SLC28A3: variants seen among roughly 807,000 people sequenced by gnomAD.
SLC28A3 encodes solute carrier family 28 member 3.
SLC28A3 carries 68 observed loss-of-function variants against 84.2 expected under a neutral mutation model. That is an observed-to-expected ratio of 0.81 (90% CI 0.66 to 0.99). The LOEUF is 0.99. SLC28A3 is among the 50% of genes least tolerant of loss of function. The pLI is 0.00. For synonymous variants in SLC28A3, 267 were observed against 303.6 expected, an observed-to-expected ratio of 0.88 and a Z score of 1.25; for missense variants, 712 against 841.5, an observed-to-expected ratio of 0.85 and a Z score of 1.90.
intron 13 of SLC28A3, among the ~76,000 whole-genome samples, 163 bp downstream of exon 13, chr9:84,285,780 G>A (rs1458713122): frequency 6.6e-6 from 1 of 152,162 alleles, no homozygotes; most frequent in African/African-American, 2.4e-5. Flanking sequence ...GAGGGGGATA[G>A]GAGACAGAGA....
At chr9:84,352,573 T>C in the SLC28A3 span, among the ~76,000 whole-genome samples, 1 of 152,004 alleles carries the variant, frequency 6.6e-6, no homozygotes, top group Non-Finnish European at 1.5e-5. Context: ...AATTTTGGTA[T>C]ATTAAGATTA....
the SLC28A3 span, among the ~76,000 whole-genome samples, chr9:84,355,312 C>T: frequency 6.6e-6 from 1 of 152,102 alleles, no homozygotes. Context: ...GTGGTGCATG[C>T]CTGTAGTCCC....
At chr9:84,351,061 A>G in the SLC28A3 span, among the ~76,000 whole-genome samples, 40,178 of 152,118 alleles carry the variant, frequency 0.26, 7,073 homozygotes, top group African/African-American at 0.5. Context: ...CTCTTGTAAT[A>G]AAACCTAGCT....
intron 4 of SLC28A3, 48 bp downstream of exon 4, chr9:84,305,202 GAAAA>G (rs35729465): frequency 2.8e-4 from 321 of 1,164,624 alleles, no homozygotes; most frequent in South Asian, 7.7e-4. Flanking sequence ...GGGAATCCCT[GAAAA>G]AAAAAAAAAA....
chr9:84,278,149 T>C lies in SLC28A3; in HGVS notation c.*69A>G. Reference sequence around the variant, plus strand: ...ATCAATCTGTGGACAATAGCTTCTTTTTTTTTTCTTTCCAAAGCAGAAAAT... The same window carrying C: ...ATCAATCTGTGGACAATAGCTTCTTCTTTTTTTCTTTCCAAAGCAGAAAAT... On this transcript the variant is annotated 3_prime_UTR_variant, in exon 18 of 18. Coordinates refer to ENST00000376238, the MANE Select transcript of SLC28A3 (RefSeq NM_001199633.2). 1 of 1,539,330 alleles carries C rather than the reference T, an allele frequency of 6.5e-7. No individual in the cohort carries two copies.
intron 1 of SLC28A3, among the ~76,000 whole-genome samples, chr9:84,335,877 C>T (rs1404931928): frequency 6.6e-6 from 1 of 152,010 alleles, no homozygotes; most frequent in Non-Finnish European, 1.5e-5. Flanking sequence ...CATTTAGGCC[C>T]TCATCTTTAC....
At position 84,340,673 on chromosome 9, in the gene SLC28A3, T is replaced by C. The variant is rs1827132811; in HGVS notation, c.-40A>G. On this transcript the variant is annotated 5_prime_UTR_variant, in exon 1 of 18. Transcript: ENST00000376238. ...TGGCTGGCTCTGGTCTGGAGGTCCT[T>C]TGTACCTGGGAAAAAGCACCAGTCT... 3.1e-6 allele frequency: 5 copies of C among 1,612,964 alleles called. No homozygotes were observed. Among genetic ancestry groups the C allele is most frequent in the Middle Eastern group, 3.3e-4 (2 of 6,034 alleles).
intron 1 of SLC28A3, among the ~76,000 whole-genome samples, chr9:84,328,691 G>A (rs942043573): frequency 3.9e-5 from 6 of 152,166 alleles, no homozygotes; most frequent in African/African-American, 7.2e-5. Flanking sequence ...CTTGGGAGGC[G>A]GAGGTTGCAG....
intron 17 of SLC28A3, 165 bp from the exon 18 acceptor site, chr9:84,278,509 C>T: frequency 2.4e-6 from 2 of 822,140 alleles, no homozygotes; most frequent in Non-Finnish European, 1.8e-6. Flanking sequence ...TTTGTTTTGG[C>T]TCCTAAATTC....
At chr9:84,326,792 G>A (rs1028414614) in intron 1 of SLC28A3, among the ~76,000 whole-genome samples, 10 of 152,126 alleles carry the variant, frequency 6.6e-5, no homozygotes, top group African/African-American at 2.2e-4. Flanking sequence ...GATCACTTGA[G>A]GTCAGGAGTT....
chr9:84,330,800 C>T (rs58075154), intron 1 of SLC28A3, among the ~76,000 whole-genome samples: 78,924 of 151,872 alleles, frequency 0.52, 20,669 homozygotes, highest in Middle Eastern at 0.6. Flanking sequence ...TATGAGGTTC[C>T]ATAAAATATA....
intron 1 of SLC28A3, among the ~76,000 whole-genome samples, chr9:84,334,087 G>C (rs1177824157): frequency 6.6e-6 from 1 of 152,082 alleles, no homozygotes; most frequent in Non-Finnish European, 1.5e-5. Flanking sequence ...GGTGGATCAC[G>C]TGAGGTCAGG....
chr9:84,345,410 C>A (rs1340028040), upstream of SLC28A3, among the ~76,000 whole-genome samples: 1 of 152,174 alleles, frequency 6.6e-6, no homozygotes, highest in African/African-American at 2.4e-5. Context: ...TATGGATGAT[C>A]CTTACTTTCT....
At chr9:84,278,382 A>G in intron 17 of SLC28A3, 38 bp from the exon 18 acceptor site, 1 of 1,612,238 alleles carries the variant, frequency 6.2e-7, no homozygotes, top group Non-Finnish European at 8.5e-7. Flanking sequence ...CATGAGCCAT[A>G]GATGGCAGAA....
chr9:84,298,066 A>T, intron 6 of SLC28A3, 47 bp from the exon 7 acceptor site: 2 of 1,477,120 alleles, frequency 1.4e-6, no homozygotes, highest in Non-Finnish European at 1.9e-6. Flanking sequence ...AAATTAATGC[A>T]GGCCGTGGCA....
chr9:84,333,007 A>T (rs1379434590), intron 1 of SLC28A3, among the ~76,000 whole-genome samples: 1 of 152,192 alleles, frequency 6.6e-6, no homozygotes, highest in Non-Finnish European at 1.5e-5. Flanking sequence ...TAGCAGATTT[A>T]TTTGCCAAAG....
chr9:84,323,353 A>G (rs1826440586), intron 1 of SLC28A3, among the ~76,000 whole-genome samples: 1 of 152,178 alleles, frequency 6.6e-6, no homozygotes, highest in South Asian at 2.1e-4. Context: ...TGGAAAATCC[A>G]GGCAGACTGA....
At chr9:84,359,515 A>G in the SLC28A3 span, among the ~76,000 whole-genome samples, 3 of 152,204 alleles carry the variant, frequency 2.0e-5, no homozygotes, top group African/African-American at 7.2e-5. Context: ...TTTGGAAAAT[A>G]TTGAGGCAAT....
At chr9:84,331,916 A>G (rs1390699615) in intron 1 of SLC28A3, among the ~76,000 whole-genome samples, 2 of 152,180 alleles carry the variant, frequency 1.3e-5, no homozygotes, top group African/African-American at 4.8e-5. Flanking sequence ...TCTCCCAAAT[A>G]TGGACACGTG....
Sources: allele counts gnomAD v4.1 joint callset (sites outside exome capture counted in the v4.1 genomes callset), GRCh38; gene constraint gnomAD v4.1.1; transcripts MANE v1.5; gene names NCBI Gene and HGNC (gene_info 2026-07-23, HGNC 2026-07-21).